MARCHF5: variants seen among roughly 807,000 people sequenced by gnomAD.
MARCHF5 encodes the protein E3 ubiquitin-protein ligase MARCHF5.
A neutral mutation model predicts 36.5 loss-of-function variants in MARCHF5; 5 were observed. The observed-to-expected ratio is 0.14, with a 90% CI of 0.07 to 0.29. MARCHF5 has a LOEUF of 0.29. Among genes scored for constraint, MARCHF5 ranks in the 10% least tolerant of loss-of-function variants. The pLI is 1.00. For missense variants in MARCHF5, 179 were observed against 336.3 expected, an observed-to-expected ratio of 0.53 and a Z score of 3.66; for synonymous variants, 103 against 109.9, an observed-to-expected ratio of 0.94 and a Z score of 0.39.
intron 3 of MARCHF5, among the ~76,000 whole-genome samples, chr10:92,344,385 A>G (rs926950767): frequency 2.0e-5 from 3 of 152,250 alleles, no homozygotes; most frequent in African/African-American, 7.2e-5. Context: ...AATAATTTGA[A>G]TTGGTAGAAT....
intron 1 of MARCHF5, among the ~76,000 whole-genome samples, chr10:92,296,268 G>A (rs111778868): frequency 2.0e-5 from 3 of 152,122 alleles, no homozygotes; most frequent in Middle Eastern, 3.4e-3. Context: ...GTTGTTGTGG[G>A]GAAACAAGAA....
intron 2 of MARCHF5, among the ~76,000 whole-genome samples, chr10:92,313,322 G>A (rs137908427): frequency 1.6e-3 from 233 of 150,056 alleles, no homozygotes; most frequent in Middle Eastern, 7.3e-3. Context: ...AATTGTGGCC[G>A]GGCCGGGCGC....
chr10:92,295,640 C>T (rs971292094), intron 1 of MARCHF5, among the ~76,000 whole-genome samples: 4 of 151,690 alleles, frequency 2.6e-5, no homozygotes, highest in African/African-American at 9.7e-5. Context: ...GATCTCCTGA[C>T]GTCGTAATCT....
intron 1 of MARCHF5, among the ~76,000 whole-genome samples, chr10:92,295,107 A>G (rs1362042202): frequency 1.3e-5 from 2 of 152,158 alleles, no homozygotes; most frequent in Non-Finnish European, 2.9e-5. Flanking sequence ...ACAAATACTG[A>G]GTGTCTTCAT....
intron 1 of MARCHF5, among the ~76,000 whole-genome samples, chr10:92,300,981 G>A (rs1029507030): frequency 6.6e-6 from 1 of 151,358 alleles, no homozygotes; most frequent in African/African-American, 2.4e-5. Context: ...CAGCCTCCGG[G>A]TTCAAGCGAT....
chr10:92,344,482 A>AT (rs547541278), intron 3 of MARCHF5, among the ~76,000 whole-genome samples: 28 of 147,706 alleles, frequency 1.9e-4, no homozygotes, highest in South Asian at 6.4e-4. Context: ...ACTTGAAAAG[A>AT]TTTTTTTTTT....
rs1842858018 is a variant in MARCHF5, at chr10:92,291,370, T to C, written c.-125T>C. The C allele has an allele frequency of 4.6e-6, 4 of 863,394 alleles. No individual in the cohort carries two copies. The African/African-American group carries it at 5.2e-5, about 11-fold the overall frequency. The allele number at this position is 863,394 out of a possible 1,614,324, so 53.5% of individuals were successfully genotyped here. On this transcript the variant is annotated 5_prime_UTR_variant, in exon 1 of 6. Transcript: ENST00000358935. ...GGCTAGCGGAGCTGCCCCGGGAAGC[T>C]GGGTGACGGGTTCGCGGCTGCCGCC...
chr10:92,293,917 A>T (rs1468058283), intron 1 of MARCHF5, among the ~76,000 whole-genome samples: 1 of 152,204 alleles, frequency 6.6e-6, no homozygotes, highest in Non-Finnish European at 1.5e-5. Flanking sequence ...TACTCTTTTG[A>T]CATACCTTAA....
chr10:92,297,528 A>C (rs1483886490), intron 1 of MARCHF5, among the ~76,000 whole-genome samples: 6 of 105,756 alleles, frequency 5.7e-5, no homozygotes, highest in African/African-American at 3.8e-5. Context: ...TCACCCTGCC[A>C]CCCAAGCTGG....
intron 1 of MARCHF5, among the ~76,000 whole-genome samples, chr10:92,293,608 TAAAA>T (rs771787448): frequency 7.9e-6 from 1 of 126,648 alleles, no homozygotes; most frequent in Admixed American, 8.1e-5. Flanking sequence ...CTGTCTCTAC[TAAAA>T]AAAAAAAAAA....
intron 2 of MARCHF5, among the ~76,000 whole-genome samples, chr10:92,339,780 T>C (rs1250795292): frequency 6.6e-6 from 1 of 152,142 alleles, no homozygotes; most frequent in African/African-American, 2.4e-5. Context: ...AGCTAAATTA[T>C]ACTGGGCTTA....
intron 2 of MARCHF5, among the ~76,000 whole-genome samples, chr10:92,332,900 C>G (rs1266949841): frequency 2.0e-5 from 3 of 151,826 alleles, no homozygotes; most frequent in Non-Finnish European, 4.4e-5. Flanking sequence ...TGCGGTGGCT[C>G]ACGCCTGTAA....
chr10:92,299,711 C>T (rs1267047645), intron 1 of MARCHF5, among the ~76,000 whole-genome samples: 2 of 152,194 alleles, frequency 1.3e-5, no homozygotes, highest in African/African-American at 4.8e-5. Flanking sequence ...AGAACAGAAA[C>T]TGCCTGTATT....
In MARCHF5 at chr10:92,353,443, T is replaced by G. The variant is rs911788587; in HGVS notation, c.*2236T>G. On this transcript the variant is annotated 3_prime_UTR_variant, in exon 6 of 6. Transcript: ENST00000358935. The stretch of plus-strand genomic sequence containing the variant: ...TAATCTTTGAAATGCAAATAATGTT[T>G]ATCTCAGAAGACTATTTCTAGGATT... The G allele has an allele frequency of 1.3e-5, 2 of 152,206 alleles. No individual in the cohort carries two copies. The highest frequency in any genetic ancestry group is 2.9e-5 in the Non-Finnish European group (2 of 68,048). 9.4% of individuals were successfully genotyped at this position (152,206 alleles called of 1,614,324 possible).
At chr10:92,311,415 C>T (rs1843143031) in intron 2 of MARCHF5, 78 bp downstream of exon 2, 2 of 989,808 alleles carry the variant, frequency 2.0e-6, no homozygotes, top group Non-Finnish European at 1.5e-6. Flanking sequence ...TTAAAATGAA[C>T]CACCTCTTTT....
At chr10:92,291,702 C>A in intron 1 of MARCHF5, 173 bp downstream of exon 1, 1 of 567,112 alleles carries the variant, frequency 1.8e-6, no homozygotes, top group Non-Finnish European at 2.2e-6. Context: ...GAGGACAGAG[C>A]GAGCGGCCTG....
At position 92,307,473 on chromosome 10, in the gene MARCHF5, C is replaced by T. The variant is rs567566120; in HGVS notation, c.36-3662C>T. Among the ~76,000 whole-genome samples the T allele has an allele frequency of 1.2e-3, 184 of 152,246 alleles. 1 individual carries two copies. Among genetic ancestry groups the T allele is most frequent in the African/African-American group, 4.3e-3 (178 of 41,532 alleles). ...ATTTGGCCAGGCACAGTGGCTCACG[C>T]CCAAAACTTTGGGAATCCAAGGCAG... On this transcript the variant is annotated intron_variant, in intron 1 of 5. Transcript: ENST00000358935.
At chr10:92,306,185 A>G (rs1312314453) in intron 1 of MARCHF5, among the ~76,000 whole-genome samples, 1 of 152,152 alleles carries the variant, frequency 6.6e-6, no homozygotes, top group Admixed American at 6.6e-5. Flanking sequence ...TTAAGGCTCC[A>G]CTTAGTTGGT....
chr10:92,302,247 C>T (rs1308421443), intron 1 of MARCHF5, among the ~76,000 whole-genome samples: 1 of 152,088 alleles, frequency 6.6e-6, no homozygotes, highest in African/African-American at 2.4e-5. Flanking sequence ...ACTGTATTCT[C>T]ACCTTTTCTT....
Sources: gnomAD v4.1 joint callset for allele counts (sites outside exome capture counted in the v4.1 genomes callset) on GRCh38, gnomAD v4.1.1 for gene constraint, MANE v1.5 for transcripts, NCBI Gene and HGNC (gene_info 2026-07-23, HGNC 2026-07-21) for gene names.